MAP3K3: variants seen among roughly 807,000 people sequenced by gnomAD.
MAP3K3 encodes the protein mitogen-activated protein kinase kinase kinase 3.
In MAP3K3, 12 loss-of-function variants were observed where a neutral mutation model predicts 80.9. The ratio of observed to expected loss-of-function variants is 0.15; its 90% CI spans 0.10 to 0.24. The LOEUF is 0.24. Among genes scored for constraint, MAP3K3 ranks in the 10% least tolerant of loss-of-function variants. The probability of loss-of-function intolerance (pLI) is 1.00; values close to 1 mark genes in which losing one functional copy is unlikely to be tolerated. For synonymous variants in MAP3K3, 272 were observed against 307.1 expected, an observed-to-expected ratio of 0.89 and a Z score of 1.19; for missense variants, 596 against 834.7, an observed-to-expected ratio of 0.71 and a Z score of 3.52.
rs950430390 is a variant in MAP3K3, at chr17:63,657,995, G to A, written c.381+88G>A. Reference sequence around the variant, plus strand: ...TCTCGCCTCCTTGACAGACATTTTCGTTCCTCAGCCACTGCCAAATTGAGA... The same window carrying A: ...TCTCGCCTCCTTGACAGACATTTTCATTCCTCAGCCACTGCCAAATTGAGA... On this transcript the variant is annotated intron_variant, in intron 5 of 15. Coordinates refer to ENST00000361733, the MANE Select transcript of MAP3K3 (RefSeq NM_002401.5). 29 of 672,574 alleles carry A rather than the reference G, an allele frequency of 4.3e-5. 1 individual carries two copies. Among genetic ancestry groups the A allele is most frequent in the Admixed American group, 2.1e-4 (8 of 38,566 alleles). The allele number at this position is 672,574 out of a possible 1,614,324, so 41.7% of individuals were successfully genotyped here. A position where few individuals can be genotyped will look rare whatever the true frequency, so the allele number is the denominator to read the frequency against.
chr17:63,627,350 T>A (rs1461807724), intron 1 of MAP3K3, among the ~76,000 whole-genome samples: 3 of 152,192 alleles, frequency 2.0e-5, no homozygotes. Context: ...AGCTTCTAAG[T>A]GTGTCAGACC....
Position 63,657,829 on chromosome 17 carries a change from T to C in MAP3K3, c.303T>C (p.Asp101=). The part of the protein sequence containing the change: ...SILLKNQDDL[D]KAIDILDRSS... ...TGCTGAAAAACCAAGATGATCTTGATAAAGCAATTGACATTTTAGATAGAA... is the reference window on the plus strand; with the variant it reads ...TGCTGAAAAACCAAGATGATCTTGACAAAGCAATTGACATTTTAGATAGAA... The change falls in exon 5 of 16, where the codon GAT becomes GAC. Residue 101 remains aspartate (D), a synonymous_variant. Coordinates refer to ENST00000361733, the MANE Select transcript of MAP3K3 (RefSeq NM_002401.5). 1 of 1,606,678 alleles carries C rather than the reference T, an allele frequency of 6.2e-7. No homozygotes were observed. The highest frequency in any genetic ancestry group is 2.2e-5 in the East Asian group (1 of 44,676).
chr17:63,665,117 A>G (rs1268199814), intron 5 of MAP3K3, among the ~76,000 whole-genome samples: 3 of 152,162 alleles, frequency 2.0e-5, no homozygotes, highest in South Asian at 4.2e-4. Flanking sequence ...AGCCTGACCA[A>G]CATGGAGAAA....
In MAP3K3 at chr17:63,694,069, C is replaced by A; in HGVS notation, c.*292C>A. 1 of 354,562 alleles carries A rather than the reference C, an allele frequency of 2.8e-6. No homozygotes were observed. Among genetic ancestry groups the A allele is most frequent in the South Asian group, 5.4e-5 (1 of 18,624 alleles). The allele number at this position is 354,562 out of a possible 1,614,324, so 22.0% of individuals were successfully genotyped here. On this transcript the variant is annotated 3_prime_UTR_variant, in exon 16 of 16. Coordinates refer to ENST00000361733, the MANE Select transcript of MAP3K3 (RefSeq NM_002401.5). ...GTGCAAGGCAGCCGTGGGCCCCACC[C>A]TCGGGGATGTGTCCTGACACTGCAA...
intron 2 of MAP3K3, among the ~76,000 whole-genome samples, chr17:63,635,050 A>G (rs1293400382): frequency 6.6e-6 from 1 of 152,194 alleles, no homozygotes; most frequent in Non-Finnish European, 1.5e-5. Flanking sequence ...CTGCTGTCCA[A>G]TGTGGTTTTG....
In MAP3K3 at chr17:63,652,488, G is replaced by T; in HGVS notation, c.168-69G>T. 5 of 985,378 alleles carry T rather than the reference G, an allele frequency of 5.1e-6. No homozygotes were observed. In the South Asian group the frequency reaches 5.3e-5, roughly 10 times the overall value. The allele number at this position is 985,378 out of a possible 1,614,324, so 61.0% of individuals were successfully genotyped here. On this transcript the variant is annotated intron_variant, in intron 3 of 15. Transcript: ENST00000361733. ...TGAGAAGAAAGGAAGAATATACTCA[G>T]ACCATTGCTTTTTAAACCCTACGTT... is the stretch of plus-strand genomic sequence containing the variant.
intron 1 of MAP3K3, among the ~76,000 whole-genome samples, chr17:63,632,263 A>T (rs1434666173): frequency 6.6e-6 from 1 of 152,116 alleles, no homozygotes; most frequent in Non-Finnish European, 1.5e-5. Flanking sequence ...AGGCCGAGGC[A>T]GGAGGATCAC....
chr17:63,660,692 A>G (rs975105584), intron 5 of MAP3K3, among the ~76,000 whole-genome samples: 3 of 151,968 alleles, frequency 2.0e-5, no homozygotes, highest in African/African-American at 4.8e-5. Context: ...TTCCAGGTTC[A>G]AGTGATTCTC....
Position 63,622,556 on chromosome 17 carries a change from G to T in MAP3K3, c.-204G>T, listed in dbSNP as rs1284204847. The T allele has an allele frequency of 6.5e-6, 1 of 153,582 alleles. No individual in the cohort carries two copies. Among genetic ancestry groups the T allele is most frequent in the Non-Finnish European group, 1.4e-5 (1 of 69,752 alleles). The allele number at this position is 153,582 out of a possible 1,614,324, so 9.5% of individuals were successfully genotyped here. ...CCCAGGAGCGCCCGGGATGTAGCGG[G>T]CCACCCTGCCGATGCCACAGCGCCC... On this transcript the variant is annotated 5_prime_UTR_variant, in exon 1 of 16. Coordinates refer to ENST00000361733, the MANE Select transcript of MAP3K3 (RefSeq NM_002401.5).
intron 3 of MAP3K3, among the ~76,000 whole-genome samples, chr17:63,649,620 CT>C (rs1407964861): frequency 1.3e-5 from 2 of 152,152 alleles, no homozygotes; most frequent in African/African-American, 4.8e-5. Flanking sequence ...TTTGCCCAGG[CT>C]GGTTTCAAAC....
chr17:63,676,785 C>T (rs1295214554), intron 6 of MAP3K3, among the ~76,000 whole-genome samples: 1 of 152,206 alleles, frequency 6.6e-6, no homozygotes, highest in Admixed American at 6.5e-5. Context: ...GTCTGGTCCA[C>T]ACCTGTCAAC....
chr17:63,661,920 G>A (rs1476621458), intron 5 of MAP3K3, among the ~76,000 whole-genome samples: 1 of 151,324 alleles, frequency 6.6e-6, no homozygotes, highest in South Asian at 2.1e-4. Flanking sequence ...TGGCTAACAC[G>A]TGAAACCCCA....
intron 2 of MAP3K3, chr17:63,637,122 A>AGTGT (rs1444015031): frequency 3.4e-6 from 1 of 298,222 alleles, no homozygotes; most frequent in African/African-American, 2.4e-5. Flanking sequence ...GAAGCCTTAG[A>AGTGT]GTGTGTGTGC....
chr17:63,660,274 C>T (rs918274533), intron 5 of MAP3K3, among the ~76,000 whole-genome samples: 1 of 152,076 alleles, frequency 6.6e-6, no homozygotes, highest in African/African-American at 2.4e-5. Context: ...AGTGACAGCT[C>T]ACCACAGCCT....
At chr17:63,634,794 A>G in intron 2 of MAP3K3, 1 of 1,613,718 alleles carries the variant, frequency 6.2e-7, no homozygotes. Context: ...GAGAAAAAGA[A>G]ATTTTTGGTA....
intron 2 of MAP3K3, among the ~76,000 whole-genome samples, chr17:63,643,018 A>G (rs2034474127): frequency 1.3e-5 from 2 of 151,880 alleles, no homozygotes; most frequent in African/African-American, 4.8e-5. Context: ...TCGGCTTCCC[A>G]AAGTGTTGGG....
intron 1 of MAP3K3, among the ~76,000 whole-genome samples, chr17:63,626,596 C>A (rs1040862395): frequency 5.3e-5 from 8 of 152,192 alleles, no homozygotes; most frequent in African/African-American, 1.4e-4. Context: ...TGAGATTTAG[C>A]AAAGGTTCAA....
chr17:63,631,663 G>A (rs1024112707), intron 1 of MAP3K3, among the ~76,000 whole-genome samples: 1 of 152,162 alleles, frequency 6.6e-6, no homozygotes, highest in African/African-American at 2.4e-5. Flanking sequence ...CTGGGTTTTG[G>A]CCAGTTGTTT....
In MAP3K3 at chr17:63,646,037, G is replaced by C. The variant is rs372206804; in HGVS notation, c.130G>C (p.Asp44His). 5.0e-6 allele frequency: 8 copies of C among 1,613,830 alleles called. No individual in the cohort carries two copies. Among genetic ancestry groups the C allele is most frequent in the Non-Finnish European group, 6.8e-6 (8 of 1,179,850 alleles). ...TGTCTATCATTCTTTTTGGCAGAGTGACGTCAGAATCAAGTTCGAGCACAA... is the reference window on the plus strand; with the variant it reads ...TGTCTATCATTCTTTTTGGCAGAGTCACGTCAGAATCAAGTTCGAGCACAA... ...KDTGHSNRQSDVRIKFEHNGE... is the reference protein window; with the variant it reads ...KDTGHSNRQSHVRIKFEHNGE... The change falls in exon 3 of 16, where the codon GAC becomes CAC. Residue 44 changes from aspartate to histidine, a missense_variant. Asp to His is a moderately conservative substitution (Grantham distance 81). Transcript: ENST00000361733.
Sources: allele counts gnomAD v4.1 joint callset (sites outside exome capture counted in the v4.1 genomes callset), GRCh38; gene constraint gnomAD v4.1.1; transcripts MANE v1.5; gene names NCBI Gene and HGNC (gene_info 2026-07-23, HGNC 2026-07-21).